Variants in ARHGAP22 observed in about 807,000 individuals in gnomAD.
ARHGAP22 encodes the protein rho GTPase-activating protein 22.
ARHGAP22 carries 48 observed loss-of-function variants against 59.1 expected under a neutral mutation model. The ratio of observed to expected loss-of-function variants is 0.81; its 90% CI spans 0.64 to 1.03. The LOEUF is 1.03. Among genes scored for constraint, ARHGAP22 ranks in the 50% least tolerant of loss-of-function variants. ARHGAP22 has a pLI of 0.00. For synonymous variants in ARHGAP22, 445 were observed against 416.4 expected (o/e 1.07, Z -0.84); for missense variants, 1,015 against 958.7 (o/e 1.06, Z -0.78).
intron 2 of ARHGAP22, among the ~76,000 whole-genome samples, chr10:48,574,142 C>A (rs1445166): frequency 0.39 from 58,717 of 152,098 alleles, 12,775 homozygotes; most frequent in East Asian, 0.89. Flanking sequence ...AATTCTCAGG[C>A]ACTTTACAAA....
chr10:48,622,684 T>C (rs1300210774), intron 1 of ARHGAP22, among the ~76,000 whole-genome samples: 1 of 152,236 alleles, frequency 6.6e-6, no homozygotes, highest in Non-Finnish European at 1.5e-5. Context: ...TATCTCTTTG[T>C]GCCTCTGTTA....
chr10:48,503,607 C>G lies in ARHGAP22; in HGVS notation c.323-23843G>C, dbSNP rs6537564. Reference sequence around the variant, plus strand: ...ACTCTGGGAAGTACAGGCTATTATCCCGCTGTCCTTCCCTACCATCCCATG... The same window carrying G: ...ACTCTGGGAAGTACAGGCTATTATCGCGCTGTCCTTCCCTACCATCCCATG... On this transcript the variant is annotated intron_variant, in intron 3 of 9. Coordinates refer to ENST00000249601, the MANE Select transcript of ARHGAP22 (RefSeq NM_021226.4). Among the ~76,000 whole-genome samples, 612 of 152,226 alleles carry G rather than the reference C, an allele frequency of 4.0e-3. 2 individuals carry two copies. The highest frequency in any genetic ancestry group is 0.031 in the Middle Eastern group (9 of 294).
At chr10:48,630,442 T>G (rs1385311526) in intron 1 of ARHGAP22, among the ~76,000 whole-genome samples, 3 of 152,204 alleles carry the variant, frequency 2.0e-5, no homozygotes, top group Admixed American at 2.0e-4. Context: ...CAGCGGAACA[T>G]CTCTCCATTT....
At chr10:48,655,008 C>CTTTCTTTCTTTCTTTCTTTCTT (rs1554967984), upstream of ARHGAP22, among the ~76,000 whole-genome samples, 1 of 76,546 alleles carries the variant, frequency 1.3e-5, no homozygotes, top group Non-Finnish European at 2.6e-5. Flanking sequence ...CTCTTTCTTT[C>CTTTCTTTCTTTCTTTCTTTCTT]TCTTTCTTTC....
intron 3 of ARHGAP22, among the ~76,000 whole-genome samples, chr10:48,481,595 C>G (rs547810441): frequency 2.0e-5 from 3 of 152,302 alleles, no homozygotes; most frequent in Admixed American, 2.0e-4. Context: ...CAGAGCTGTG[C>G]CCCTGTCCTG....
At chr10:48,635,129 C>T (rs1477745259) in intron 1 of ARHGAP22, among the ~76,000 whole-genome samples, 1 of 152,110 alleles carries the variant, frequency 6.6e-6, no homozygotes, top group Non-Finnish European at 1.5e-5. Flanking sequence ...ATTCCAGCAC[C>T]CATGGGAGGC....
At chr10:48,444,240 G>A (rs1254295260), downstream of ARHGAP22, 27 of 152,134 alleles carry the variant, frequency 1.8e-4, no homozygotes, top group Admixed American at 1.8e-3. Context: ...ACAATAACAA[G>A]TACAATGGGA....
At chr10:48,516,134 T>C (rs190400396) in intron 3 of ARHGAP22, among the ~76,000 whole-genome samples, 20 of 152,176 alleles carry the variant, frequency 1.3e-4, no homozygotes, top group African/African-American at 4.3e-4. Context: ...TTAGCTAGAC[T>C]GACCAAGAAA....
intron 3 of ARHGAP22, among the ~76,000 whole-genome samples, chr10:48,523,547 C>G (rs1301109509): frequency 6.6e-6 from 1 of 152,210 alleles, no homozygotes; most frequent in Non-Finnish European, 1.5e-5. Flanking sequence ...TTTTGGAAAA[C>G]TCTGAGTCAG....
intron 1 of ARHGAP22, among the ~76,000 whole-genome samples, chr10:48,621,515 A>C (rs2061285054): frequency 6.6e-6 from 1 of 152,222 alleles, no homozygotes; most frequent in South Asian, 2.1e-4. Context: ...GATATGCCAG[A>C]TTTGTTAAAA....
chr10:48,637,791 G>A (rs1006651210), intron 1 of ARHGAP22, among the ~76,000 whole-genome samples: 2 of 152,128 alleles, frequency 1.3e-5, no homozygotes, highest in African/African-American at 2.4e-5. Context: ...AAGGCACAAA[G>A]TATCCTCACT....
chr10:48,444,635 T>C (rs1277629291), downstream of ARHGAP22: 1 of 152,222 alleles, frequency 6.6e-6, no homozygotes, highest in South Asian at 2.1e-4. Flanking sequence ...CAGTCTCCTC[T>C]GCTCCTTTGA....
chr10:48,597,063 C>T (rs1042650147), intron 1 of ARHGAP22, among the ~76,000 whole-genome samples: 2 of 152,148 alleles, frequency 1.3e-5, no homozygotes, highest in African/African-American at 4.8e-5. Flanking sequence ...GTATGAAGAC[C>T]CCTCTGGTAG....
upstream of ARHGAP22, among the ~76,000 whole-genome samples, chr10:48,655,290 G>A (rs1020818802): frequency 3.4e-5 from 5 of 146,818 alleles, no homozygotes; most frequent in Non-Finnish European, 7.5e-5. Context: ...GCTGCATCAG[G>A]AGACCTCTGG....
the ARHGAP22 span, among the ~76,000 whole-genome samples, chr10:48,432,778 A>C: frequency 6.6e-5 from 10 of 152,226 alleles, no homozygotes; most frequent in Non-Finnish European, 1.3e-4. Context: ...TTAGTCCAGC[A>C]CTTGCTTATG....
intron 1 of ARHGAP22, among the ~76,000 whole-genome samples, chr10:48,636,113 G>C (rs939982650): frequency 6.6e-6 from 1 of 152,206 alleles, no homozygotes. Flanking sequence ...TCATTTCCCA[G>C]GGGTCCTGTG....
chr10:48,543,737 G>T (rs931440493), intron 3 of ARHGAP22, among the ~76,000 whole-genome samples: 1 of 152,078 alleles, frequency 6.6e-6, no homozygotes, highest in Non-Finnish European at 1.5e-5. Context: ...ATGATTATTA[G>T]ATTTTTTGTT....
At chr10:48,453,161 C>T in intron 8 of ARHGAP22, 143 bp downstream of exon 8, 1 of 1,172,710 alleles carries the variant, frequency 8.5e-7, no homozygotes. Flanking sequence ...CCTGCCAAGT[C>T]CCCAGAGATG....
chr10:48,542,703 G>C lies in ARHGAP22; in HGVS notation c.322+12760C>G, dbSNP rs144153113. On this transcript the variant is annotated intron_variant, in intron 3 of 9. Transcript: ENST00000249601. ...TGTTTTGGGGTGGAGTATGCTCAGGGTCGGCAGTGCCAGTGCCACAGGGTG... is the reference window on the plus strand; with the variant it reads ...TGTTTTGGGGTGGAGTATGCTCAGGCTCGGCAGTGCCAGTGCCACAGGGTG... Among the ~76,000 whole-genome samples the C allele has an allele frequency of 6.3e-3, 957 of 152,324 alleles. 9 individuals are homozygous for C. The highest frequency in any genetic ancestry group is 0.022 in the African/African-American group (916 of 41,576).
Sources: gnomAD v4.1 joint callset for allele counts (sites outside exome capture counted in the v4.1 genomes callset) on GRCh38, gnomAD v4.1.1 for gene constraint, MANE v1.5 for transcripts, NCBI Gene and HGNC (gene_info 2026-07-23, HGNC 2026-07-21) for gene names.